KIAA0825: variants seen among roughly 807,000 people sequenced by gnomAD.
KIAA0825 encodes uncharacterized protein KIAA0825.
Under a neutral mutation model 147.6 loss-of-function variants are expected in KIAA0825, and 119 were observed. That is an observed-to-expected ratio of 0.81 (90% confidence interval 0.69 to 0.94). The LOEUF is 0.94. Among genes scored for constraint, KIAA0825 ranks in the 40% least tolerant of loss-of-function variants. The probability of loss-of-function intolerance (pLI) is 0.00; values close to 1 mark genes in which losing one functional copy is unlikely to be tolerated. For missense variants in KIAA0825, 1,381 were observed against 1,472.7 expected (o/e 0.94, Z 1.02); for synonymous variants, 470 against 518.1 (o/e 0.91, Z 1.26).
At chr5:94,524,864 ATC>A (rs1019473170) in intron 3 of KIAA0825, among the ~76,000 whole-genome samples, 5 of 151,994 alleles carry the variant, frequency 3.3e-5, no homozygotes, top group Non-Finnish European at 5.9e-5. Flanking sequence ...TGCCATATGT[ATC>A]TGTTTTAAAA....
intron 15 of KIAA0825, chr5:94,413,777 A>G (rs1475267316): frequency 6.6e-6 from 1 of 152,210 alleles, no homozygotes; most frequent in Admixed American, 6.5e-5. Flanking sequence ...AGTGAATTTT[A>G]TTGTATTCAA....
chr5:94,427,109 T>A (rs1038902429), intron 14 of KIAA0825, among the ~76,000 whole-genome samples: 7 of 152,200 alleles, frequency 4.6e-5, no homozygotes, highest in Admixed American at 1.3e-4. Flanking sequence ...TGTACATATG[T>A]TCCAAATAGC....
intron 20 of KIAA0825, among the ~76,000 whole-genome samples, chr5:94,185,056 C>T (rs564158452): frequency 2.2e-4 from 34 of 152,248 alleles, no homozygotes; most frequent in African/African-American, 7.0e-4. Context: ...GGGCTCTCTG[C>T]GGGTATTGTC....
In KIAA0825 at chr5:94,547,162, G is replaced by T. The variant is rs112780608; in HGVS notation, c.-1-10035C>A. Among the ~76,000 whole-genome samples, 94 of 151,862 alleles carry T rather than the reference G, an allele frequency of 6.2e-4. 3 individuals carry two copies. The highest frequency in any genetic ancestry group is 2.2e-3 in the African/African-American group (91 of 41,380). The stretch of plus-strand genomic sequence containing the variant: ...AAGACAGCCTATTTGAAAATACACA[G>T]TCAGAGGAGACAAAAGAAAAAAGAA... On this transcript the variant is annotated intron_variant, in intron 2 of 20. Coordinates refer to ENST00000682413, the MANE Select transcript of KIAA0825 (RefSeq NM_001145678.3).
chr5:94,172,227 A>G (rs1038931962), intron 20 of KIAA0825, among the ~76,000 whole-genome samples: 1 of 152,206 alleles, frequency 6.6e-6, no homozygotes, highest in Non-Finnish European at 1.5e-5. Flanking sequence ...TCAATCTTGG[A>G]CTTGAACTCA....
chr5:94,370,574 A>G (rs1746542233), intron 20 of KIAA0825, among the ~76,000 whole-genome samples: 1 of 152,206 alleles, frequency 6.6e-6, no homozygotes, highest in Admixed American at 6.5e-5. Flanking sequence ...TTCTATATTT[A>G]CATTGCAAGG....
intron 2 of KIAA0825, among the ~76,000 whole-genome samples, chr5:94,547,973 G>T (rs1451932401): frequency 6.6e-6 from 1 of 151,978 alleles, no homozygotes; most frequent in Non-Finnish European, 1.5e-5. Context: ...GACAAAAGCT[G>T]ACAGAGTTCA....
At position 94,152,846 on chromosome 5, in the gene KIAA0825, AAAAAAAAAATTATAT is replaced by A. The variant is rs1766624891; in HGVS notation, c.*1146_*1160del. On this transcript the variant is annotated 3_prime_UTR_variant, in exon 21 of 21. Transcript: ENST00000682413. The stretch of plus-strand genomic sequence containing the variant: ...GAAAAAAAAAAAAAAAAAAAAAAAA[AAAAAAAAAATTATAT>A]ATATATATATATATATATATATATA... 2 of 36,174 alleles carry A rather than the reference AAAAAAAAAATTATAT, an allele frequency of 5.5e-5. No homozygotes were observed. Among genetic ancestry groups the A allele is most frequent in the African/African-American group, 2.0e-4 (2 of 10,152 alleles). 2.2% of individuals were successfully genotyped at this position (36,174 alleles called of 1,614,324 possible). A position where few individuals can be genotyped will look rare whatever the true frequency, so the allele number is the denominator to read the frequency against.
chr5:94,312,409 G>T (rs1007208666), intron 20 of KIAA0825, among the ~76,000 whole-genome samples: 2 of 151,584 alleles, frequency 1.3e-5, no homozygotes, highest in African/African-American at 4.8e-5. Flanking sequence ...CTCATGTCAA[G>T]AGTCTGTGCG....
chr5:94,598,696 C>A (rs997050379), intron 1 of KIAA0825, among the ~76,000 whole-genome samples: 3 of 152,182 alleles, frequency 2.0e-5, no homozygotes. Context: ...AGCATTATCA[C>A]AAACACAAGT....
intron 12 of KIAA0825, among the ~76,000 whole-genome samples, chr5:94,458,703 G>A (rs1041055732): frequency 1.3e-5 from 2 of 151,558 alleles, no homozygotes; most frequent in African/African-American, 4.9e-5. Context: ...GCTAAGGCAA[G>A]AAACTTCACT....
At chr5:94,158,458 C>T (rs1378235462) in intron 20 of KIAA0825, among the ~76,000 whole-genome samples, 1 of 152,064 alleles carries the variant, frequency 6.6e-6, no homozygotes, top group Non-Finnish European at 1.5e-5. Flanking sequence ...AGTACTTCTC[C>T]TAGGACCTAG....
intron 2 of KIAA0825, among the ~76,000 whole-genome samples, chr5:94,575,596 T>C (rs1437660561): frequency 6.6e-6 from 1 of 152,202 alleles, no homozygotes; most frequent in Non-Finnish European, 1.5e-5. Flanking sequence ...TATCAGAAAC[T>C]AGCAATAGTA....
intron 20 of KIAA0825, among the ~76,000 whole-genome samples, chr5:94,327,496 T>A (rs1584126996): frequency 6.6e-6 from 1 of 152,176 alleles, no homozygotes; most frequent in East Asian, 1.9e-4. Context: ...GTGACTTTGC[T>A]GATTTTTTTG....
At chr5:94,571,424 A>C (rs1779951100) in intron 2 of KIAA0825, among the ~76,000 whole-genome samples, 1 of 152,226 alleles carries the variant, frequency 6.6e-6, no homozygotes, top group African/African-American at 2.4e-5. Flanking sequence ...TTAATGATTG[A>C]AGTTCTTCTA....
intron 15 of KIAA0825, among the ~76,000 whole-genome samples, chr5:94,405,957 T>G (rs1013389069): frequency 1.3e-5 from 2 of 152,132 alleles, no homozygotes; most frequent in Non-Finnish European, 2.9e-5. Context: ...AGATGGAGTC[T>G]AGCTCTGTCA....
chr5:94,288,408 C>A (rs1777746833), intron 20 of KIAA0825, among the ~76,000 whole-genome samples: 1 of 152,018 alleles, frequency 6.6e-6, no homozygotes, highest in Non-Finnish European at 1.5e-5. Context: ...AGTTCAATTT[C>A]AAATAGAGAC....
intron 14 of KIAA0825, among the ~76,000 whole-genome samples, chr5:94,425,483 A>G (rs1734937178): frequency 6.6e-6 from 1 of 152,170 alleles, no homozygotes. Flanking sequence ...TCATGTCTAT[A>G]ATGCCAAAGC....
intron 20 of KIAA0825, among the ~76,000 whole-genome samples, chr5:94,299,388 C>G (rs1480844728): frequency 7.1e-6 from 1 of 141,296 alleles, no homozygotes; most frequent in Non-Finnish European, 1.6e-5. Context: ...GGGTAATTTA[C>G]TTTTTTTTTT....
Sources: gnomAD v4.1 joint callset for allele counts (sites outside exome capture counted in the v4.1 genomes callset) on GRCh38, gnomAD v4.1.1 for gene constraint, MANE v1.5 for transcripts, NCBI Gene and HGNC (gene_info 2026-07-23, HGNC 2026-07-21) for gene names.